NCAM2: variants seen among roughly 807,000 people sequenced by gnomAD.
NCAM2 encodes N-CAM-2.
A neutral mutation model predicts 98.1 loss-of-function variants in NCAM2; 30 were observed. The observed-to-expected ratio is 0.31, with a 90% confidence interval of 0.23 to 0.41. NCAM2 has a LOEUF of 0.41. Among genes scored for constraint, NCAM2 ranks in the 10% least tolerant of loss-of-function variants. The pLI is 1.00. For missense variants in NCAM2, 867 were observed against 1,005.8 expected (o/e 0.86, Z 1.87); for synonymous variants, 368 against 342.4 (o/e 1.07, Z -0.83).
At chr21:21,086,684 A>T (rs925667843) in intron 1 of NCAM2, among the ~76,000 whole-genome samples, 3 of 152,180 alleles carry the variant, frequency 2.0e-5, no homozygotes, top group Non-Finnish European at 2.9e-5. Context: ...AAGTATTTTT[A>T]AAAAAGAATG....
chr21:21,134,047 T>C (rs2066989900), intron 1 of NCAM2, among the ~76,000 whole-genome samples: 1 of 144,910 alleles, frequency 6.9e-6, no homozygotes, highest in Middle Eastern at 3.6e-3. Flanking sequence ...CTTCACACTT[T>C]GGGTGGCACT....
intron 1 of NCAM2, among the ~76,000 whole-genome samples, chr21:21,220,210 C>A (rs2053254736): frequency 6.6e-6 from 1 of 152,130 alleles, no homozygotes. Context: ...TCTAGACCTT[C>A]ACGTGCACTC....
intron 1 of NCAM2, among the ~76,000 whole-genome samples, chr21:21,192,768 A>G (rs2068865274): frequency 6.6e-6 from 1 of 152,182 alleles, no homozygotes; most frequent in Non-Finnish European, 1.5e-5. Context: ...ACATGGTTCT[A>G]GCATGGGAAG....
At chr21:21,049,517 C>T (rs561246681) in intron 1 of NCAM2, among the ~76,000 whole-genome samples, 1 of 151,820 alleles carries the variant, frequency 6.6e-6, no homozygotes, top group African/African-American at 2.4e-5. Context: ...GACTATCACA[C>T]TGACTACTTT....
chr21:21,044,752 G>C (rs1015933399), intron 1 of NCAM2, among the ~76,000 whole-genome samples: 2 of 151,992 alleles, frequency 1.3e-5, no homozygotes, highest in Non-Finnish European at 2.9e-5. Context: ...GATTGCTTGA[G>C]CCCAGGAGCT....
intron 14 of NCAM2, among the ~76,000 whole-genome samples, chr21:21,471,521 A>G (rs1465267825): frequency 6.6e-6 from 1 of 152,076 alleles, no homozygotes; most frequent in Non-Finnish European, 1.5e-5. Flanking sequence ...TTTAATAAAA[A>G]ATGAAGAAAA....
At chr21:21,266,134 G>T (rs2147393441) in intron 1 of NCAM2, among the ~76,000 whole-genome samples, 1 of 152,062 alleles carries the variant, frequency 6.6e-6, no homozygotes, top group East Asian at 1.9e-4. Flanking sequence ...AAAATGGTTT[G>T]ATTTTAAAAA....
intron 1 of NCAM2, among the ~76,000 whole-genome samples, chr21:21,164,945 T>G (rs1369071454): frequency 6.6e-6 from 1 of 152,200 alleles, no homozygotes; most frequent in Non-Finnish European, 1.5e-5. Context: ...CTACAAAAAT[T>G]GATTGAATTT....
At chr21:21,411,510 G>A (rs1469580293) in intron 10 of NCAM2, among the ~76,000 whole-genome samples, 2 of 151,604 alleles carry the variant, frequency 1.3e-5, no homozygotes, top group African/African-American at 4.9e-5. Flanking sequence ...TTTAAATACT[G>A]TCTGAATAAA....
chr21:21,310,290 G>GT (rs1425779452), intron 5 of NCAM2, among the ~76,000 whole-genome samples: 5 of 152,084 alleles, frequency 3.3e-5, no homozygotes, highest in Non-Finnish European at 7.4e-5. Context: ...TTCAAAATAT[G>GT]TAGCACTATG....
chr21:21,071,554 A>T (rs1024540444), intron 1 of NCAM2, among the ~76,000 whole-genome samples: 1 of 152,200 alleles, frequency 6.6e-6, no homozygotes, highest in Non-Finnish European at 1.5e-5. Context: ...AGTTGCAGGC[A>T]TTGCATTGAA....
At chr21:21,076,131 G>T (rs917280837) in intron 1 of NCAM2, among the ~76,000 whole-genome samples, 1 of 142,834 alleles carries the variant, frequency 7.0e-6, no homozygotes, top group Non-Finnish European at 1.5e-5. Flanking sequence ...AAAAAAAAAA[G>T]AATATGACCA....
chr21:21,474,592 C>T (rs1984906400), intron 14 of NCAM2, among the ~76,000 whole-genome samples: 1 of 151,756 alleles, frequency 6.6e-6, no homozygotes, highest in Admixed American at 6.6e-5. Flanking sequence ...CATAACAAAA[C>T]TGAATTCCAA....
At chr21:21,221,796 A>G (rs2070178126) in intron 1 of NCAM2, among the ~76,000 whole-genome samples, 1 of 152,204 alleles carries the variant, frequency 6.6e-6, no homozygotes, top group Non-Finnish European at 1.5e-5. Context: ...AAGATCATTG[A>G]TGAAGATGGC....
rs563962385 is a variant in NCAM2, at chr21:21,040,483, A to G, written c.55+41865A>G. Among the ~76,000 whole-genome samples the G allele has an allele frequency of 5.3e-5, 8 of 152,266 alleles. No individual in the cohort carries two copies. In the South Asian group the frequency reaches 1.2e-3, roughly 24 times the overall value. On this transcript the variant is annotated intron_variant, in intron 1 of 17. Transcript: ENST00000400546. ...TATTAAACCAATGGAAACGTCCACT[A>G]TAGAAATGATGCAATATTCTATAGT... is the stretch of plus-strand genomic sequence containing the variant.
rs1212599774 is a variant in NCAM2, at chr21:21,541,614, A to T, written c.*3657A>T. The T allele has an allele frequency of 6.6e-6, 1 of 151,694 alleles. No individual in the cohort carries two copies. Among genetic ancestry groups the T allele is most frequent in the African/African-American group, 2.4e-5 (1 of 41,396 alleles). The allele number at this position is 151,694 out of a possible 1,614,324, so 9.4% of individuals were successfully genotyped here. A position where few individuals can be genotyped will look rare whatever the true frequency, so the allele number is the denominator to read the frequency against. ...GGTCTTCATTATTCCATTTATATAT[A>T]TTTTTTATTTCGAATAATAAATCAA... On this transcript the variant is annotated 3_prime_UTR_variant, in exon 18 of 18. Transcript: ENST00000400546.
intron 1 of NCAM2, among the ~76,000 whole-genome samples, chr21:21,087,827 G>C (rs2065934919): frequency 6.6e-6 from 1 of 152,104 alleles, no homozygotes. Flanking sequence ...AATAATGAAG[G>C]TCTGCTTAAC....
chr21:21,301,536 T>G, intron 5 of NCAM2, among the ~76,000 whole-genome samples: 2 of 45,904 alleles, frequency 4.4e-5, no homozygotes, highest in African/African-American at 9.2e-5. Context: ...CCCTCCCCCC[T>G]CCCCCCACCC....
At chr21:21,090,449 G>T (rs988068707) in intron 1 of NCAM2, among the ~76,000 whole-genome samples, 3 of 152,058 alleles carry the variant, frequency 2.0e-5, no homozygotes, top group Admixed American at 6.5e-5. Flanking sequence ...TATTTTCTGG[G>T]AATAGTGACA....
Sources: allele counts gnomAD v4.1 joint callset (sites outside exome capture counted in the v4.1 genomes callset), GRCh38; gene constraint gnomAD v4.1.1; transcripts MANE v1.5; gene names NCBI Gene and HGNC (gene_info 2026-07-23, HGNC 2026-07-21).